JAK2: variants seen among roughly 807,000 people sequenced by gnomAD.
The protein encoded by JAK2 is tyrosine-protein kinase JAK2.
Under a neutral mutation model 139.3 loss-of-function variants are expected in JAK2, and 86 were observed. The observed-to-expected ratio is 0.62, with a 90% CI of 0.52 to 0.74. The LOEUF is 0.74. Among genes scored for constraint, JAK2 ranks in the 30% least tolerant of loss-of-function variants. The pLI is 0.00. For missense variants in JAK2, 1,421 were observed against 1,360.3 expected, an observed-to-expected ratio of 1.04 and a Z score of -0.70; for synonymous variants, 490 against 437.7, an observed-to-expected ratio of 1.12 and a Z score of -1.49.
chr9:5,030,539 G>A (rs1352503640), intron 4 of JAK2, among the ~76,000 whole-genome samples: 6 of 152,006 alleles, frequency 3.9e-5, no homozygotes, highest in Non-Finnish European at 7.4e-5. Flanking sequence ...CCACATTAAA[G>A]ATAAAGAATT....
chr9:5,084,664 C>T (rs1486798640), intron 19 of JAK2, among the ~76,000 whole-genome samples: 1 of 152,084 alleles, frequency 6.6e-6, no homozygotes, highest in East Asian at 1.9e-4. Context: ...CTCATGCCCA[C>T]ATATACTTAT....
intron 22 of JAK2, among the ~76,000 whole-genome samples, chr9:5,121,447 G>C (rs1029058235): frequency 6.6e-6 from 1 of 152,122 alleles, no homozygotes; most frequent in Non-Finnish European, 1.5e-5. Context: ...TTTATACAAA[G>C]GAAAATACAC....
In JAK2 at chr9:5,029,745, T is replaced by C. The variant is rs116316410; in HGVS notation, c.227-38T>C. 1.0e-4 allele frequency: 158 copies of C among 1,568,596 alleles called. No individual in the cohort carries two copies. The African/African-American group carries it at 1.6e-3, about 16-fold the overall frequency. ...GGTGCTATGTAAAAATATTCTGTTG[T>C]GTACCTTTAATAATTCCTTTCTCTG... On this transcript the variant is annotated intron_variant, in intron 3 of 24. Transcript: ENST00000381652.
intron 22 of JAK2, among the ~76,000 whole-genome samples, chr9:5,121,027 T>C (rs1315854153): frequency 1.3e-5 from 2 of 152,142 alleles, no homozygotes; most frequent in Admixed American, 6.5e-5. Flanking sequence ...GATGATACTA[T>C]CTAAGGGAAA....
intron 22 of JAK2, among the ~76,000 whole-genome samples, chr9:5,104,011 C>A (rs557616878): frequency 2.0e-5 from 3 of 152,086 alleles, no homozygotes; most frequent in East Asian, 3.9e-4. Flanking sequence ...AAAAGAACTA[C>A]AGAAGCAAGA....
At chr9:5,000,980 T>A (rs993438021) in intron 2 of JAK2, among the ~76,000 whole-genome samples, 1 of 152,162 alleles carries the variant, frequency 6.6e-6, no homozygotes, top group Non-Finnish European at 1.5e-5. Flanking sequence ...TAGCAAAGCA[T>A]CAAAAATACA....
chr9:5,015,024 G>C (rs1821951680), intron 2 of JAK2, among the ~76,000 whole-genome samples: 1 of 152,076 alleles, frequency 6.6e-6, no homozygotes, highest in Non-Finnish European at 1.5e-5. Flanking sequence ...TAGAAAAACG[G>C]TATTTTACAG....
At position 5,090,559 on chromosome 9, in the gene JAK2, C is replaced by A; in HGVS notation, c.2875C>A (p.Gln959Lys). The A allele has an allele frequency of 6.3e-7, 1 of 1,576,068 alleles. No homozygotes were observed. Among genetic ancestry groups the A allele is most frequent in the South Asian group, 1.2e-5 (1 of 82,890 alleles). ...CATAAAACTTCTGCAGTACACATCT[C>A]AGATATGCAAGGTAACTAATATCCT... is the stretch of plus-strand genomic sequence containing the variant. ...DHIKLLQYTS[Q>K]ICKGMEYLGT... Residue 959 changes from glutamine (Q) to lysine (K), a missense_variant, in exon 21 of 25, where the codon CAG becomes AAG. Transcript: ENST00000381652.
At position 5,128,790 on chromosome 9, in the gene JAK2, G is replaced by C. The variant is rs550018550; in HGVS notation, c.*1999G>C. 4.6e-5 allele frequency among the ~76,000 whole-genome samples: 7 copies of C among 151,982 alleles called. No homozygotes were observed. The South Asian group carries it at 8.3e-4, about 18-fold the overall frequency. ...CACATAAAAATAAGATAACCCTGTA[G>C]TTATTAAGTTGGTTCTGTACAAGAA... On this transcript the variant is annotated 3_prime_UTR_variant, in exon 25 of 25. Transcript: ENST00000381652.
chr9:5,068,670 G>C (rs1346195129), intron 10 of JAK2, among the ~76,000 whole-genome samples: 2 of 152,190 alleles, frequency 1.3e-5, no homozygotes, highest in African/African-American at 2.4e-5. Context: ...AGCTGAGATT[G>C]GAGATGGAGG....
At chr9:5,098,360 T>TA (rs1821184709) in intron 22 of JAK2, 1 of 152,204 alleles carries the variant, frequency 6.6e-6, no homozygotes, top group Non-Finnish European at 1.5e-5. Context: ...CCAGTTCAAT[T>TA]AGGCCTTCAA....
intron 5 of JAK2, among the ~76,000 whole-genome samples, chr9:5,048,873 C>T (rs1041261526): frequency 1.3e-5 from 2 of 152,060 alleles, no homozygotes; most frequent in Non-Finnish European, 2.9e-5. Context: ...AACCTTGATT[C>T]GCATTGTTAT....
intron 11 of JAK2, among the ~76,000 whole-genome samples, chr9:5,069,692 C>T (rs771908441): frequency 1.3e-5 from 2 of 151,816 alleles, no homozygotes; most frequent in Non-Finnish European, 2.9e-5. Context: ...CATCAAAATC[C>T]AAATTACATT....
At chr9:5,010,009 C>A (rs1306805844) in intron 2 of JAK2, among the ~76,000 whole-genome samples, 1 of 152,156 alleles carries the variant, frequency 6.6e-6, no homozygotes. Flanking sequence ...CAGGCTCAAA[C>A]GATCCTCTCG....
intron 2 of JAK2, among the ~76,000 whole-genome samples, chr9:5,006,745 A>C (rs2129909529): frequency 6.6e-6 from 1 of 152,296 alleles, no homozygotes; most frequent in Non-Finnish European, 1.5e-5. Context: ...TGACCCAGTC[A>C]CCTCTCACCA....
intron 2 of JAK2, among the ~76,000 whole-genome samples, chr9:5,004,232 C>T (rs1027933965): frequency 2.0e-5 from 3 of 152,126 alleles, no homozygotes; most frequent in Admixed American, 6.5e-5. Flanking sequence ...CTTCAGTTTA[C>T]TCCTCCTATC....
chr9:5,119,471 A>G (rs1823452823), intron 22 of JAK2, among the ~76,000 whole-genome samples: 1 of 152,158 alleles, frequency 6.6e-6, no homozygotes, highest in African/African-American at 2.4e-5. Flanking sequence ...TGGGACCTGT[A>G]TCTCTGCCTA....
intron 22 of JAK2, chr9:5,100,187 C>T (rs1821357544): frequency 1.3e-5 from 2 of 152,154 alleles, no homozygotes; most frequent in Admixed American, 6.5e-5. Flanking sequence ...CTTATTCAGG[C>T]TTATGTCTTC....
At position 5,080,315 on chromosome 9, in the gene JAK2, G is replaced by A; in HGVS notation, c.2218G>A (p.Gly740Ser). The change falls in exon 17 of 25, where the codon GGT (glycine) becomes AGT (serine). Residue 740 changes from glycine (G) to serine (S), a missense_variant. Transcript: ENST00000381652. ...LNLATDKWSF[G>S]TTLWEICSGG... ...TTTGGCAACAGACAAATGGAGTTTTGGTACCACTTTGTGGGAAATCTGCAG... is the reference window on the plus strand; with the variant it reads ...TTTGGCAACAGACAAATGGAGTTTTAGTACCACTTTGTGGGAAATCTGCAG... 6.2e-7 allele frequency: 1 copy of A among 1,613,454 alleles called. No homozygotes were observed. Among genetic ancestry groups the A allele is most frequent in the Non-Finnish European group, 8.5e-7 (1 of 1,179,554 alleles).
Sources: gnomAD v4.1 joint callset for allele counts (sites outside exome capture counted in the v4.1 genomes callset) on GRCh38, gnomAD v4.1.1 for gene constraint, MANE v1.5 for transcripts, NCBI Gene and HGNC (gene_info 2026-07-23, HGNC 2026-07-21) for gene names.